The following RBFOX1 variants were observed in gnomAD, a reference collection of about 807,000 sequenced individuals.
RBFOX1 encodes RNA binding fox-1 homolog 1.
RBFOX1 carries 8 observed loss-of-function variants against 57.7 expected under a neutral mutation model. That is an observed-to-expected ratio of 0.14 (90% CI 0.08 to 0.25). The LOEUF is 0.25. Ranked by LOEUF, RBFOX1 falls within the 10% of genes least tolerant of loss-of-function variation. RBFOX1 has a pLI of 1.00. For synonymous variants in RBFOX1, 326 were observed against 222.4 expected (o/e 1.47, Z -4.15); for missense variants, 611 against 548.5 (o/e 1.11, Z -1.14).
chr16:6,887,949 A>G (rs915735983), intron 3 of RBFOX1, among the ~76,000 whole-genome samples: 3 of 152,258 alleles, frequency 2.0e-5, no homozygotes, highest in Non-Finnish European at 2.9e-5. Flanking sequence ...GGTGTGAGCC[A>G]CCACGCCTGT....
At chr16:7,473,883 C>T (rs1334730380) in intron 4 of RBFOX1, among the ~76,000 whole-genome samples, 1 of 152,150 alleles carries the variant, frequency 6.6e-6, no homozygotes, top group Non-Finnish European at 1.5e-5. Context: ...TACCTAAGTG[C>T]CATCCAGCTC....
intron 1 of RBFOX1, among the ~76,000 whole-genome samples, chr16:5,328,135 G>T (rs1176334035): frequency 6.6e-6 from 1 of 152,120 alleles, no homozygotes; most frequent in Non-Finnish European, 1.5e-5. Flanking sequence ...GGGCTGAATT[G>T]TGTCCCTGCA....
chr16:7,456,080 A>G (rs184316888), intron 4 of RBFOX1, among the ~76,000 whole-genome samples: 14 of 152,266 alleles, frequency 9.2e-5, no homozygotes, highest in Middle Eastern at 3.4e-3. Context: ...TATAGCTGGA[A>G]TTCTTAATGA....
rs76700410 is a variant in RBFOX1, at chr16:7,434,006, A to G, written c.28-84141A>G. 5.3e-5 allele frequency among the ~76,000 whole-genome samples: 8 copies of G among 152,312 alleles called. No homozygotes were observed. The East Asian group carries it at 1.5e-3, about 29-fold the overall frequency. ...TGAGAACGATGAGAGGGAACAGTTA[A>G]TACTATTGGAAACTGCTCTTGGAGG... On this transcript the variant is annotated intron_variant, in intron 4 of 15. Transcript: ENST00000550418.
chr16:6,482,784 T>G (rs181900587), intron 2 of RBFOX1, among the ~76,000 whole-genome samples: 84 of 152,138 alleles, frequency 5.5e-4, no homozygotes, highest in African/African-American at 1.9e-3. Flanking sequence ...TCTTCGATGT[T>G]TTACCAGTAT....
intron 2 of RBFOX1, among the ~76,000 whole-genome samples, chr16:5,548,174 A>ATATATATATATATATATATATATATAT (rs1282445806): frequency 3.0e-5 from 1 of 33,574 alleles, no homozygotes. Context: ...AAAAAAAAAA[A>ATATATATATATATATATATATATATAT]ATATATATAT....
intron 4 of RBFOX1, among the ~76,000 whole-genome samples, chr16:7,155,267 C>G (rs985297046): frequency 1.3e-5 from 2 of 151,832 alleles, no homozygotes; most frequent in Admixed American, 6.6e-5. Context: ...CTTTAGAGTT[C>G]CAGAATAGCA....
chr16:7,521,385 A>T (rs953786259), intron 5 of RBFOX1, among the ~76,000 whole-genome samples: 1 of 152,250 alleles, frequency 6.6e-6, no homozygotes, highest in Non-Finnish European at 1.5e-5. Context: ...ACCATTAAAA[A>T]GAGTTTAAGC....
intron 2 of RBFOX1, among the ~76,000 whole-genome samples, chr16:6,653,646 T>C (rs1458073508): frequency 2.0e-5 from 3 of 149,766 alleles, no homozygotes; most frequent in Non-Finnish European, 1.5e-5. Context: ...GATGAATGGA[T>C]GGATGGATGA....
At chr16:5,734,869 A>G (rs1003532627) in intron 3 of RBFOX1, among the ~76,000 whole-genome samples, 1 of 152,168 alleles carries the variant, frequency 6.6e-6, no homozygotes, top group Non-Finnish European at 1.5e-5. Flanking sequence ...CAAAAGTAAC[A>G]TCGTGAGACA....
At chr16:7,250,146 T>G (rs984085297) in intron 4 of RBFOX1, among the ~76,000 whole-genome samples, 1 of 152,248 alleles carries the variant, frequency 6.6e-6, no homozygotes, top group East Asian at 1.9e-4. Context: ...AGCCTTTTAT[T>G]GATTTTCGAG....
chr16:7,286,100 A>G (rs1318009981), intron 4 of RBFOX1, among the ~76,000 whole-genome samples: 1 of 152,228 alleles, frequency 6.6e-6, no homozygotes, highest in East Asian at 1.9e-4. Flanking sequence ...ATATTTATAG[A>G]TGATTTAAAT....
At chr16:6,054,849 C>T (rs138739640) in intron 1 of RBFOX1, among the ~76,000 whole-genome samples, 1 of 152,078 alleles carries the variant, frequency 6.6e-6, no homozygotes, top group Non-Finnish European at 1.5e-5. Context: ...GTGACACAAT[C>T]TTGGTTCACT....
At chr16:7,509,103 T>C (rs566658528) in intron 4 of RBFOX1, among the ~76,000 whole-genome samples, 2 of 152,342 alleles carry the variant, frequency 1.3e-5, no homozygotes, top group East Asian at 3.9e-4. Context: ...GAATTTTTTG[T>C]ATGAGTTCTT....
intron 3 of RBFOX1, among the ~76,000 whole-genome samples, chr16:6,810,586 G>A (rs1007896691): frequency 6.6e-6 from 1 of 151,794 alleles, no homozygotes; most frequent in South Asian, 2.1e-4. Context: ...GAGTTTCATA[G>A]TGCTATAAAG....
At chr16:6,965,130 G>T (rs976248627) in intron 3 of RBFOX1, among the ~76,000 whole-genome samples, 3 of 152,092 alleles carry the variant, frequency 2.0e-5, no homozygotes, top group Non-Finnish European at 2.9e-5. Flanking sequence ...TGCCTCCATG[G>T]TTCTCGGGGC....
intron 3 of RBFOX1, among the ~76,000 whole-genome samples, chr16:5,751,386 G>A (rs1425006803): frequency 6.6e-6 from 1 of 151,956 alleles, no homozygotes; most frequent in African/African-American, 2.4e-5. Flanking sequence ...TACTGATTAC[G>A]TCTCTTGACA....
At chr16:6,991,405 T>C (rs1317433000) in intron 3 of RBFOX1, among the ~76,000 whole-genome samples, 1 of 152,186 alleles carries the variant, frequency 6.6e-6, no homozygotes, top group Non-Finnish European at 1.5e-5. Context: ...AACATTCCGT[T>C]TGGGCCTCAG....
rs61652413 is a variant in RBFOX1 at position 5,959,138 on chromosome 16, A to G, written c.351+91803A>G. 2.3e-3 allele frequency among the ~76,000 whole-genome samples: 353 copies of G among 152,358 alleles called. 1 individual carries two copies. Among genetic ancestry groups the G allele is most frequent in the African/African-American group, 8.1e-3 (337 of 41,586 alleles). Reference sequence around the variant, plus strand: ...TTTTAACTGAAGTGTAAGGAGGTCAAGGACAGACTGCCCATCCTGTTCCAG... The same window carrying G: ...TTTTAACTGAAGTGTAAGGAGGTCAGGGACAGACTGCCCATCCTGTTCCAG... On this transcript the variant is annotated intron_variant, in intron 4 of 19. Coordinates refer to the RBFOX1 transcript ENST00000641259.
Sources: gnomAD v4.1 joint callset for allele counts (sites outside exome capture counted in the v4.1 genomes callset) on GRCh38, gnomAD v4.1.1 for gene constraint, MANE v1.5 for transcripts, NCBI Gene and HGNC (gene_info 2026-07-23, HGNC 2026-07-21) for gene names.